Variants in NXN observed in about 807,000 individuals in gnomAD.
NXN encodes the protein nucleoredoxin, also known as nucleoredoxin 1.
NXN carries 16 observed loss-of-function variants against 48.6 expected under a neutral mutation model. The observed-to-expected ratio is 0.33, with a 90% confidence interval of 0.22 to 0.50. The LOEUF (loss-of-function observed/expected upper bound fraction) is 0.50. Ranked by LOEUF, NXN falls within the 20% of genes least tolerant of loss-of-function variation. The pLI, the probability that NXN is intolerant of heterozygous loss-of-function variation, is 0.98. For missense variants in NXN, 492 were observed against 605.5 expected (o/e 0.81, Z 1.97); for synonymous variants, 281 against 269.6 (o/e 1.04, Z -0.41).
chr17:907,010 CA>C (rs1184715156), intron 1 of NXN, among the ~76,000 whole-genome samples: 2 of 152,022 alleles, frequency 1.3e-5, no homozygotes, highest in Admixed American at 1.3e-4. Context: ...CCTTCCTTCC[CA>C]GAGGCACAAA....
At position 939,344 on chromosome 17, in the gene NXN, C is replaced by CTT. The variant is rs34838555; in HGVS notation, c.360+39973_360+39974dup. Among the ~76,000 whole-genome samples, 570 of 127,974 alleles carry CTT rather than the reference C, an allele frequency of 4.5e-3. 5 individuals are homozygous for CTT. The highest frequency in any genetic ancestry group is 0.015 in the African/African-American group (513 of 34,310). The allele number at this position is 127,974 out of a possible 152,430, so 84.0% of individuals were successfully genotyped here. A position where few individuals can be genotyped will look rare whatever the true frequency, so the allele number is the denominator to read the frequency against. On this transcript the variant is annotated intron_variant, in intron 1 of 7. Transcript: ENST00000336868. ...ATACCACGTAACTATTAGAAATCAG[C>CTT]TTTTTTTTTTTTTTTTTGAGACAAG...
At chr17:823,827 G>C in intron 2 of NXN, 62 bp from the exon 3 acceptor site, 1 of 1,587,020 alleles carries the variant, frequency 6.3e-7, no homozygotes, top group Non-Finnish European at 8.6e-7. Context: ...TGGGACCCAG[G>C]AGACTTCAGA....
In NXN at chr17:803,969, A is replaced by G. The variant is rs917951581; in HGVS notation, c.1001-163T>C. On this transcript the variant is annotated intron_variant, in intron 6 of 7. Transcript: ENST00000336868. ...GATGCAGGTCTTGCTCCCCGCATGC[A>G]TGGGTGTGTGTGCACATGCGTCCCA... is the stretch of plus-strand genomic sequence containing the variant. 14 of 851,932 alleles carry G rather than the reference A, an allele frequency of 1.6e-5. No individual in the cohort carries two copies. In the South Asian group the frequency reaches 2.1e-4, roughly 13 times the overall value. The allele number at this position is 851,932 out of a possible 1,614,324, so 52.8% of individuals were successfully genotyped here.
At chr17:924,479 C>T (rs376335628) in intron 1 of NXN, among the ~76,000 whole-genome samples, 3 of 152,316 alleles carry the variant, frequency 2.0e-5, no homozygotes, top group Non-Finnish European at 2.9e-5. Context: ...TCAGGTGATC[C>T]GCCCACCTCG....
chr17:966,092 GGCAACAGGA>G (rs2069299355), intron 1 of NXN, among the ~76,000 whole-genome samples: 1 of 151,380 alleles, frequency 6.6e-6, no homozygotes, highest in Non-Finnish European at 1.5e-5. Context: ...CTCCAGCTTG[GGCAACAGGA>G]GCAAAATTCT....
chr17:805,273 C>A, intron 5 of NXN, 26 bp from the exon 6 acceptor site: 1 of 1,590,828 alleles, frequency 6.3e-7, no homozygotes, highest in Non-Finnish European at 8.6e-7. Context: ...GGTGCTTGGC[C>A]GCTGGCCCGG....
rs116300451 is a variant in NXN, at chr17:868,171, C to A, written c.361-42093G>T. ...AGGCTGCTTCCCTGGGAACCATTCCCCAGAACTCACCTCTCCTCTGTCCTT... is the reference window on the plus strand; with the variant it reads ...AGGCTGCTTCCCTGGGAACCATTCCACAGAACTCACCTCTCCTCTGTCCTT... On this transcript the variant is annotated intron_variant, in intron 1 of 7. Transcript: ENST00000336868. Among the ~76,000 whole-genome samples the A allele has an allele frequency of 4.5e-3, 688 of 152,272 alleles. 4 individuals are homozygous for A. Among genetic ancestry groups the A allele is most frequent in the African/African-American group, 0.016 (664 of 41,548 alleles).
intron 1 of NXN, among the ~76,000 whole-genome samples, chr17:853,723 A>ATATATATATATT (rs1491528474): frequency 3.5e-4 from 37 of 105,970 alleles, no homozygotes; most frequent in Non-Finnish European, 4.3e-4. Flanking sequence ...ATATATATAT[A>ATATATATATATT]TTTTTTTTTT....
At chr17:910,558 C>A (rs557952585) in intron 1 of NXN, 1 of 151,996 alleles carries the variant, frequency 6.6e-6, no homozygotes, top group Non-Finnish European at 1.5e-5. Flanking sequence ...ATTTATCATC[C>A]GTTCCAAGTT....
intron 1 of NXN, among the ~76,000 whole-genome samples, chr17:963,357 C>T (rs1801256598): frequency 6.6e-6 from 1 of 152,042 alleles, no homozygotes; most frequent in South Asian, 2.1e-4. Context: ...AATCCCAGCA[C>T]ATTGGGAGGC....
chr17:931,844 A>G (rs945455376), intron 1 of NXN, among the ~76,000 whole-genome samples: 10 of 113,014 alleles, frequency 8.8e-5, no homozygotes, highest in Non-Finnish European at 1.6e-4. Context: ...CAAAAAAAAA[A>G]AAAAAAAAAA....
At chr17:827,860 G>A (rs974080621) in intron 1 of NXN, among the ~76,000 whole-genome samples, 6 of 152,162 alleles carry the variant, frequency 3.9e-5, no homozygotes, top group Admixed American at 2.0e-4. Flanking sequence ...TTGGTGGTGG[G>A]ATGAGGATTG....
At chr17:874,966 C>A (rs1205604566) in intron 1 of NXN, among the ~76,000 whole-genome samples, 2 of 151,996 alleles carry the variant, frequency 1.3e-5, no homozygotes, top group Non-Finnish European at 2.9e-5. Context: ...TATAGAACAC[C>A]ATTTACCATT....
intron 1 of NXN, among the ~76,000 whole-genome samples, chr17:835,083 C>T (rs371324542): frequency 0.028 from 4,178 of 151,014 alleles, 79 homozygotes; most frequent in Non-Finnish European, 0.045. Flanking sequence ...CCGAGGCGGG[C>T]GGATCACAAG....
chr17:804,471 G>T (rs1386846110), intron 6 of NXN, among the ~76,000 whole-genome samples: 2 of 152,036 alleles, frequency 1.3e-5, no homozygotes, highest in African/African-American at 2.4e-5. Flanking sequence ...TTGAGTTGTT[G>T]GAGGGGAGCC....
chr17:939,351 T>TC (rs2068943767), intron 1 of NXN, among the ~76,000 whole-genome samples: 1 of 135,010 alleles, frequency 7.4e-6, no homozygotes, highest in African/African-American at 2.8e-5. Flanking sequence ...CAGCTTTTTT[T>TC]TTTTTTTTTT....
At chr17:940,778 C>T (rs2068964100) in intron 1 of NXN, among the ~76,000 whole-genome samples, 1 of 150,500 alleles carries the variant, frequency 6.6e-6, no homozygotes, top group Non-Finnish European at 1.5e-5. Context: ...ATCACATCTC[C>T]CTGGATTTCC....
intron 1 of NXN, among the ~76,000 whole-genome samples, chr17:889,272 T>C (rs1431820810): frequency 1.3e-5 from 2 of 152,192 alleles, no homozygotes; most frequent in Admixed American, 6.5e-5. Context: ...GCCCAGCACC[T>C]GCACGTGCCC....
intron 1 of NXN, among the ~76,000 whole-genome samples, chr17:939,542 C>A (rs553591195): frequency 6.6e-6 from 1 of 152,222 alleles, no homozygotes; most frequent in East Asian, 1.9e-4. Context: ...GATGGGGTTT[C>A]ACCATGTTGG....
Sources: allele counts gnomAD v4.1 joint callset (sites outside exome capture counted in the v4.1 genomes callset), GRCh38; gene constraint gnomAD v4.1.1; transcripts MANE v1.5; gene names NCBI Gene and HGNC (gene_info 2026-07-23, HGNC 2026-07-21).